DYSF: variants seen among roughly 807,000 people sequenced by gnomAD.
DYSF encodes the protein dystrophy-associated fer-1-like 1.
Under a neutral mutation model 274.9 loss-of-function variants are expected in DYSF, and 212 were observed. That is an observed-to-expected ratio of 0.77 (90% CI 0.69 to 0.86). The LOEUF (loss-of-function observed/expected upper bound fraction) is 0.86, where lower values mean the gene tolerates loss of function less well. DYSF is among the 40% of genes least tolerant of loss of function. The pLI is 0.00. For missense variants in DYSF, 2,666 were observed against 2,783.2 expected (o/e 0.96, Z 0.95); for synonymous variants, 1,091 against 1,078.7 (o/e 1.01, Z -0.22).
chr2:71,642,071 A>G (rs1313048158), intron 41 of DYSF, among the ~76,000 whole-genome samples: 2 of 152,236 alleles, frequency 1.3e-5, no homozygotes, highest in African/African-American at 4.8e-5. Context: ...TTCAGGATTG[A>G]GGGAAGTGTG....
chr2:71,477,495 G>A (rs567349118), intron 1 of DYSF, among the ~76,000 whole-genome samples: 1 of 152,266 alleles, frequency 6.6e-6, no homozygotes, highest in East Asian at 1.9e-4. Context: ...AAGACAGAAA[G>A]CTGTAAAGCA....
intron 3 of DYSF, 148 bp downstream of exon 3, chr2:71,482,118 T>A (rs998409140): frequency 3.0e-6 from 2 of 671,936 alleles, no homozygotes; most frequent in East Asian, 2.7e-5. Flanking sequence ...CAGTGATAGA[T>A]GTTGGGAGAA....
chr2:71,600,360 A>G (rs1303782233), intron 33 of DYSF, among the ~76,000 whole-genome samples: 1 of 152,256 alleles, frequency 6.6e-6, no homozygotes, highest in African/African-American at 2.4e-5. Flanking sequence ...TGCTGAGCGC[A>G]TTAGAGAAAT....
chr2:71,577,492 A>G (rs1452496912), intron 30 of DYSF, among the ~76,000 whole-genome samples: 1 of 145,766 alleles, frequency 6.9e-6, no homozygotes, highest in Non-Finnish European at 1.5e-5. Flanking sequence ...CATATATACC[A>G]ACACACACAC....
chr2:71,613,017 G>A (rs529440090), intron 39 of DYSF, among the ~76,000 whole-genome samples: 33 of 152,264 alleles, frequency 2.2e-4, no homozygotes, highest in East Asian at 5.8e-4. Context: ...ACTGATACCC[G>A]TTGGAGCTGA....
chr2:71,506,529 C>CGTGATGTG (rs1228660430), intron 4 of DYSF, among the ~76,000 whole-genome samples: 1 of 152,144 alleles, frequency 6.6e-6, no homozygotes, highest in Non-Finnish European at 1.5e-5. Context: ...GCGCGGGACC[C>CGTGATGTG]GTGACGTGGA....
At chr2:71,492,698 TCCC>T (rs35861056) in intron 3 of DYSF, among the ~76,000 whole-genome samples, 5 of 116,336 alleles carry the variant, frequency 4.3e-5, no homozygotes, top group African/African-American at 1.5e-4. Flanking sequence ...TCTCCCTTCC[TCCC>T]CCCCCCCCTT....
intron 36 of DYSF, among the ~76,000 whole-genome samples, chr2:71,607,249 C>T (rs1027702175): frequency 6.6e-6 from 1 of 152,188 alleles, no homozygotes; most frequent in African/African-American, 2.4e-5. Flanking sequence ...AGAGGGACCA[C>T]TGAGCTCCAA....
chr2:71,585,395 A>C lies in DYSF; in HGVS notation c.3403-4198A>C, dbSNP rs1420964780. On this transcript the variant is annotated intron_variant, in intron 30 of 55. Transcript: ENST00000410020. ...CAGCAGTAGCCATTTCACAACTTGA[A>C]TGGGCAATGCCTGGCACAGAGTAGG... Among the ~76,000 whole-genome samples the C allele has an allele frequency of 3.9e-5, 6 of 152,306 alleles. No individual in the cohort carries two copies. The East Asian group carries it at 1.2e-3, about 29-fold the overall frequency.
At chr2:71,580,672 T>A (rs2152831813) in intron 30 of DYSF, among the ~76,000 whole-genome samples, 1 of 152,312 alleles carries the variant, frequency 6.6e-6, no homozygotes, top group East Asian at 1.9e-4. Flanking sequence ...TCTTGAATAT[T>A]CACGTTGAGC....
chr2:71,460,131 T>C (rs149436816), intron 1 of DYSF, among the ~76,000 whole-genome samples: 1 of 152,280 alleles, frequency 6.6e-6, no homozygotes, highest in Non-Finnish European at 1.5e-5. Context: ...TAGTTGAATG[T>C]AGACAGTCCT....
At position 71,587,973 on chromosome 2, in the gene DYSF, T is replaced by G. The variant is rs557840538; in HGVS notation, c.3403-1620T>G. Among the ~76,000 whole-genome samples, 60 of 152,310 alleles carry G rather than the reference T, an allele frequency of 3.9e-4. No individual in the cohort carries two copies. The South Asian group carries it at 0.012, about 32-fold the overall frequency. On this transcript the variant is annotated intron_variant, in intron 30 of 55. Transcript: ENST00000410020. ...GGAGCAGAGGAAGACCCAGCCTACC[T>G]TAGGATGCAATTCCTTTTTGACCCA...
chr2:71,544,101 A>C (rs1308024904), intron 17 of DYSF, among the ~76,000 whole-genome samples: 2 of 152,270 alleles, frequency 1.3e-5, no homozygotes, highest in African/African-American at 4.8e-5. Flanking sequence ...ATCTTCTTGT[A>C]CTCTACTGAG....
chr2:71,639,579 A>G (rs1241359172), intron 41 of DYSF, among the ~76,000 whole-genome samples: 2 of 152,078 alleles, frequency 1.3e-5, no homozygotes, highest in African/African-American at 4.8e-5. Context: ...ATCACTTTTT[A>G]GGTTGTGTAA....
At chr2:71,620,183 GA>G (rs1558646174) in intron 40 of DYSF, among the ~76,000 whole-genome samples, 1 of 152,208 alleles carries the variant, frequency 6.6e-6, no homozygotes, top group East Asian at 1.9e-4. Flanking sequence ...AGATTTTGGA[GA>G]GGGAGGGAGG....
intron 43 of DYSF, among the ~76,000 whole-genome samples, chr2:71,658,156 G>A (rs1282272457): frequency 1.3e-5 from 2 of 152,116 alleles, no homozygotes; most frequent in African/African-American, 4.8e-5. Context: ...CCAGTTCAAA[G>A]CTCCACAGAT....
At chr2:71,512,000 CA>C in intron 5 of DYSF, 79 bp downstream of exon 5, 1 of 957,532 alleles carries the variant, frequency 1.0e-6, no homozygotes, top group South Asian at 1.4e-5. Flanking sequence ...CTGGGAGCTG[CA>C]GCGAGGCTTC....
At chr2:71,679,930 A>T (rs59803909) in intron 53 of DYSF, among the ~76,000 whole-genome samples, 1 of 152,152 alleles carries the variant, frequency 6.6e-6, no homozygotes, top group Non-Finnish European at 1.5e-5. Flanking sequence ...AAATAAAGGG[A>T]TACAGTAGTC....
chr2:71,551,694 C>CCTG lies in DYSF; in HGVS notation c.1782_1784dup (p.Ala595dup). 1 of 1,610,116 alleles carries CCTG rather than the reference C, an allele frequency of 6.2e-7. No homozygotes were observed. The highest frequency in any genetic ancestry group is 8.5e-7 in the Non-Finnish European group (1 of 1,179,138). Reference sequence around the variant, plus strand: ...CAGTGAACAGAAGGTGGAGGACCTTCCTGCGGATGACATCCTCCGGGTGGA... The same window carrying CCTG: ...CAGTGAACAGAAGGTGGAGGACCTTCCTGCTGCGGATGACATCCTCCGGGTGGA... On this transcript the variant is annotated inframe_insertion, in exon 19 of 56. Transcript: ENST00000410020.
Sources: allele counts gnomAD v4.1 joint callset (sites outside exome capture counted in the v4.1 genomes callset), GRCh38; gene constraint gnomAD v4.1.1; transcripts MANE v1.5; gene names NCBI Gene and HGNC (gene_info 2026-07-23, HGNC 2026-07-21).